MYOM1: variants seen among roughly 807,000 people sequenced by gnomAD.
The protein encoded by MYOM1 is myomesin 1.
MYOM1 carries 164 observed loss-of-function variants against 205.3 expected under a neutral mutation model. The observed-to-expected ratio is 0.80, with a 90% CI of 0.70 to 0.91. The LOEUF is 0.91. Ranked by LOEUF, MYOM1 falls within the 40% of genes least tolerant of loss-of-function variation. The pLI is 0.00. For synonymous variants in MYOM1, 772 were observed against 789.4 expected, an observed-to-expected ratio of 0.98 and a Z score of 0.37; for missense variants, 2,011 against 2,127.3, an observed-to-expected ratio of 0.95 and a Z score of 1.08.
intron 2 of MYOM1, among the ~76,000 whole-genome samples, chr18:3,200,528 A>G (rs1298620964): frequency 6.6e-6 from 1 of 152,202 alleles, no homozygotes; most frequent in Non-Finnish European, 1.5e-5. Flanking sequence ...AGAGAATGTC[A>G]ACAAAGAAAT....
At chr18:3,100,228 TAAAC>T (rs2079358662) in intron 24 of MYOM1, 25 bp from the exon 25 acceptor site, 1 of 1,613,794 alleles carries the variant, frequency 6.2e-7, no homozygotes, top group South Asian at 1.1e-5. Context: ...AGAAGGCAGT[TAAAC>T]CTTAAACTAC....
chr18:3,175,235 T>C (rs1786933313), intron 6 of MYOM1, among the ~76,000 whole-genome samples: 1 of 152,204 alleles, frequency 6.6e-6, no homozygotes, highest in Non-Finnish European at 1.5e-5. Context: ...CACAGGGTCC[T>C]AGCATCATTT....
At chr18:3,169,567 C>A (rs2080524665) in intron 8 of MYOM1, among the ~76,000 whole-genome samples, 1 of 152,160 alleles carries the variant, frequency 6.6e-6, no homozygotes, top group African/African-American at 2.4e-5. Context: ...CTCAACATCA[C>A]TAATCATTGA....
intron 10 of MYOM1, among the ~76,000 whole-genome samples, chr18:3,159,891 TTCCTTCCTTCCTTCC>T: frequency 1.8e-5 from 1 of 55,406 alleles, no homozygotes. Context: ...CCTTCCTTCC[TTCCTTCCTTCCTTCC>T]TTCCTTCCTT....
chr18:3,105,432 G>T (rs2079440124), intron 22 of MYOM1, among the ~76,000 whole-genome samples: 1 of 152,154 alleles, frequency 6.6e-6, no homozygotes. Context: ...AGTCTTAAAT[G>T]AAATTTTAAA....
In MYOM1 at chr18:3,189,639, C is replaced by T. The variant is rs2080878012; in HGVS notation, c.432-552G>A. Among the ~76,000 whole-genome samples, 1 of 152,194 alleles carries T rather than the reference C, an allele frequency of 6.6e-6. No individual in the cohort carries two copies. ...CCTCCCAAAGTGCTGGGATTACAGG[C>T]ATGATCCACCGTGCCTGGCCAAGAT... is the stretch of plus-strand genomic sequence containing the variant. On this transcript the variant is annotated intron_variant, in intron 3 of 37. Coordinates refer to ENST00000356443, the MANE Select transcript of MYOM1 (RefSeq NM_003803.4). This position sits in a 1 kb window ranked among gnomAD's most constrained non-coding sequence, Gnocchi z 4.8.
chr18:3,162,798 G>A (rs551301892), intron 10 of MYOM1, among the ~76,000 whole-genome samples: 135 of 152,216 alleles, frequency 8.9e-4, no homozygotes, highest in African/African-American at 3.0e-3. Context: ...GACCGAGACC[G>A]GTGGATCACG....
rs2080880659 is a variant in MYOM1, at chr18:3,189,832, T to C, written c.432-745A>G. ...GCTATATTGTCAAATGAGATCTAGT[T>C]TGTGTGCCTGTGACCCTGATACATG... is the stretch of plus-strand genomic sequence containing the variant. On this transcript the variant is annotated intron_variant, in intron 3 of 37. Coordinates refer to ENST00000356443, the MANE Select transcript of MYOM1 (RefSeq NM_003803.4). This position sits in a 1 kb window ranked among gnomAD's most constrained non-coding sequence, Gnocchi z 4.8. Among the ~76,000 whole-genome samples, 1 of 152,188 alleles carries C rather than the reference T, an allele frequency of 6.6e-6. No individual in the cohort carries two copies. The highest frequency in any genetic ancestry group is 1.5e-5 in the Non-Finnish European group (1 of 68,030).
chr18:3,135,385 A>G lies in MYOM1; in HGVS notation c.2209+162T>C, dbSNP rs2079941512. The G allele has an allele frequency of 3.5e-6, 2 of 577,134 alleles. No individual in the cohort carries two copies. Among genetic ancestry groups the G allele is most frequent in the Admixed American group, 6.8e-5 (2 of 29,268 alleles). The allele number at this position is 577,134 out of a possible 1,614,324, so 35.8% of individuals were successfully genotyped here. ...AAGAAGTTTACTTTTCATAAACAAA[A>G]ATAATGAATTTTTGTTTAATGTATA... On this transcript the variant is annotated intron_variant, in intron 15 of 37. Coordinates refer to ENST00000356443, the MANE Select transcript of MYOM1 (RefSeq NM_003803.4). This position sits in a 1 kb window ranked among gnomAD's most constrained non-coding sequence, Gnocchi z 4.1.
chr18:3,118,212 G>A (rs1263916480), intron 20 of MYOM1, among the ~76,000 whole-genome samples: 1 of 152,192 alleles, frequency 6.6e-6, no homozygotes, highest in Non-Finnish European at 1.5e-5. Context: ...ATTTCTTGAA[G>A]TGAGACTTGC....
chr18:3,147,774 G>A (rs1351404552), intron 13 of MYOM1, among the ~76,000 whole-genome samples: 1 of 152,118 alleles, frequency 6.6e-6, no homozygotes, highest in African/African-American at 2.4e-5. Context: ...AGATATTGCT[G>A]AAATAATTTA....
chr18:3,169,311 T>C (rs973187441), intron 8 of MYOM1, among the ~76,000 whole-genome samples: 4 of 152,370 alleles, frequency 2.6e-5, no homozygotes, highest in African/African-American at 9.6e-5. Context: ...CTGCAACATA[T>C]GCACTTTGTA....
chr18:3,108,214 T>C (rs764401984), intron 22 of MYOM1, among the ~76,000 whole-genome samples: 11 of 152,196 alleles, frequency 7.2e-5, no homozygotes, highest in Non-Finnish European at 1.3e-4. Flanking sequence ...TCAGGTCAAT[T>C]AAATTCTCAA....
At chr18:3,103,657 A>G (rs963508732) in intron 22 of MYOM1, among the ~76,000 whole-genome samples, 1 of 152,216 alleles carries the variant, frequency 6.6e-6, no homozygotes, top group Non-Finnish European at 1.5e-5. Context: ...GCATAAAAAA[A>G]CCTTCCAAAA....
At chr18:3,181,218 GC>G (rs1567953730) in intron 5 of MYOM1, among the ~76,000 whole-genome samples, 1 of 152,094 alleles carries the variant, frequency 6.6e-6, no homozygotes, top group African/African-American at 2.4e-5. Flanking sequence ...GAACCACCAC[GC>G]CCGGCCAAAG....
At chr18:3,180,946 G>A (rs1166287511) in intron 5 of MYOM1, among the ~76,000 whole-genome samples, 2 of 146,340 alleles carry the variant, frequency 1.4e-5, no homozygotes, top group Non-Finnish European at 3.0e-5. Flanking sequence ...TTTTTGAGAC[G>A]GAGTCTTACT....
At chr18:3,199,995 C>T (rs908711938) in intron 2 of MYOM1, among the ~76,000 whole-genome samples, 15 of 152,006 alleles carry the variant, frequency 9.9e-5, no homozygotes, top group African/African-American at 2.4e-4. Context: ...CTAGGAATTC[C>T]GGCTTAAAAA....
the MYOM1 span, among the ~76,000 whole-genome samples, chr18:3,225,353 AAAG>A: frequency 6.6e-6 from 1 of 152,172 alleles, no homozygotes; most frequent in Admixed American, 6.5e-5. Flanking sequence ...TTCCTGCATC[AAAG>A]AAGCTCATTT....
At chr18:3,100,082 G>A (rs1215223387) in intron 25 of MYOM1, 77 bp downstream of exon 25, 2 of 1,368,340 alleles carry the variant, frequency 1.5e-6, no homozygotes, top group Non-Finnish European at 2.1e-6. Context: ...TCCCATCAGA[G>A]CTGTCATCTG....
Sources: allele counts gnomAD v4.1 joint callset (sites outside exome capture counted in the v4.1 genomes callset), GRCh38; gene constraint gnomAD v4.1.1; non-coding constraint Gnocchi (gnomAD v3.1); transcripts MANE v1.5; gene names NCBI Gene and HGNC (gene_info 2026-07-23, HGNC 2026-07-21).